TENM4: variants seen among roughly 807,000 people sequenced by gnomAD.
TENM4 encodes teneurin transmembrane protein 4.
Under a neutral mutation model 243.3 loss-of-function variants are expected in TENM4, and 82 were observed. That is an observed-to-expected ratio of 0.34 (90% CI 0.28 to 0.40). The LOEUF is 0.40. Among genes scored for constraint, TENM4 ranks in the 10% least tolerant of loss-of-function variants. The pLI, the probability that TENM4 is intolerant of heterozygous loss-of-function variation, is 1.00. For synonymous variants in TENM4, 1,412 were observed against 1,456.3 expected (o/e 0.97, Z 0.69); for missense variants, 3,138 against 3,673.3 (o/e 0.85, Z 3.77).
At chr11:79,104,694 G>A (rs1203490770) in intron 4 of TENM4, among the ~76,000 whole-genome samples, 1 of 152,224 alleles carries the variant, frequency 6.6e-6, no homozygotes, top group Non-Finnish European at 1.5e-5. Flanking sequence ...GCCTTTGCAT[G>A]ATGTTCTGCT....
At chr11:78,912,129 A>G (rs1856202761) in intron 6 of TENM4, among the ~76,000 whole-genome samples, 1 of 152,212 alleles carries the variant, frequency 6.6e-6, no homozygotes, top group African/African-American at 2.4e-5. Flanking sequence ...TTGTGGCAGC[A>G]GTATGGTGAG....
At chr11:78,933,671 G>A (rs922651183) in intron 6 of TENM4, among the ~76,000 whole-genome samples, 3 of 152,166 alleles carry the variant, frequency 2.0e-5, no homozygotes, top group Non-Finnish European at 4.4e-5. Flanking sequence ...GGCCAAGGAG[G>A]TTCACTCTGG....
Position 78,701,995 on chromosome 11 carries a change from A to T in TENM4, c.4618T>A (p.Ser1540Thr). 1.2e-6 allele frequency: 2 copies of T among 1,613,996 alleles called. No homozygotes were observed. Among genetic ancestry groups the T allele is most frequent in the East Asian group, 4.5e-5 (2 of 44,886 alleles). Residue 1540 changes from serine (S) to threonine (T), a missense_variant, in exon 28 of 34, where the codon TCT (serine) becomes ACT (threonine). Around this residue, in one of 2 missense-constraint regions of TENM4, gnomAD observed 2,467 missense variants for 3,059.1 expected, o/e 0.81. Transcript: ENST00000278550. ...CCATCAGCACACACAGCCAAGGAAG[A>T]TGGGGTATTTAACTTTGCATCCTTG... ...YAKDAKLNTP[S>T]SLAVCADGEL... is the part of the protein sequence containing the mutation.
At position 78,903,445 on chromosome 11, in the gene TENM4, T is replaced by C. The variant is rs914009067; in HGVS notation, c.572A>G (p.Gln191Arg). 141 of 1,547,828 alleles carry C rather than the reference T, an allele frequency of 9.1e-5. No individual in the cohort carries two copies. Among genetic ancestry groups the C allele is most frequent in the Non-Finnish European group, 1.2e-4 (138 of 1,145,404 alleles). The change falls in exon 7 of 34, where the codon CAG (glutamine) becomes CGG (arginine). Residue 191 changes from glutamine (Q) to arginine (R), a missense_variant. Physicochemically the swap from Gln to Arg is conservative, Grantham distance 43. Coordinates refer to ENST00000278550, the MANE Select transcript of TENM4 (RefSeq NM_001098816.3). The part of the protein sequence containing the change: ...PPLSHAHTPN[Q>R]HHAASINSLN... ...GGAGTTAATGGAGGCCGCGTGGTGC[T>C]GGTTGGGGGTGTGGGCGTGCGAGAG...
chr11:79,365,060 T>C (rs1464173176), intron 1 of TENM4, among the ~76,000 whole-genome samples: 1 of 152,242 alleles, frequency 6.6e-6, no homozygotes, highest in African/African-American at 2.4e-5. Context: ...AGGATAAATA[T>C]GTGATTGCCA....
chr11:79,301,996 C>T (rs368417624), intron 1 of TENM4, among the ~76,000 whole-genome samples: 9 of 152,142 alleles, frequency 5.9e-5, no homozygotes, highest in African/African-American at 1.4e-4. Context: ...TGTAGCAGTG[C>T]GAGAACGGAC....
chr11:79,135,378 G>C (rs1030380305), intron 4 of TENM4, among the ~76,000 whole-genome samples: 9 of 151,872 alleles, frequency 5.9e-5, no homozygotes, highest in African/African-American at 2.2e-4. Context: ...GTGGTGATCA[G>C]GGAACACTTC....
chr11:78,904,011 T>C, intron 6 of TENM4: 1 of 355,750 alleles, frequency 2.8e-6, no homozygotes, highest in Non-Finnish European at 5.5e-6. Flanking sequence ...GCTAAAATTC[T>C]AGAACCGCTG....
rs1239928253 is a variant in TENM4 at position 78,656,453 on chromosome 11, T to A, written c.*1605A>T. ...GGCGGATGAACCAGGAATGGAATCC[T>A]TGAACAAGGGGCTCCCAGCTCTGGC... On this transcript the variant is annotated 3_prime_UTR_variant, in exon 34 of 34. Transcript: ENST00000278550. The A allele has an allele frequency of 1.3e-5, 2 of 152,332 alleles. No homozygotes were observed. The highest frequency in any genetic ancestry group is 2.9e-5 in the Non-Finnish European group (2 of 68,116). The allele number at this position is 152,332 out of a possible 1,614,324, so 9.4% of individuals were successfully genotyped here. A position where few individuals can be genotyped will look rare whatever the true frequency, so the allele number is the denominator to read the frequency against.
chr11:79,120,269 C>T (rs2137128247), intron 4 of TENM4, among the ~76,000 whole-genome samples: 1 of 152,310 alleles, frequency 6.6e-6, no homozygotes, highest in East Asian at 1.9e-4. Context: ...ATAGAGATAG[C>T]TGAGGCTTTC....
At chr11:78,942,732 C>A (rs1267429041) in intron 6 of TENM4, among the ~76,000 whole-genome samples, 1 of 150,776 alleles carries the variant, frequency 6.6e-6, no homozygotes, top group Non-Finnish European at 1.5e-5. Context: ...AGGCTTCCTG[C>A]TTAACTTTTC....
chr11:79,186,888 C>T (rs1362042618), intron 3 of TENM4, among the ~76,000 whole-genome samples: 1 of 152,132 alleles, frequency 6.6e-6, no homozygotes, highest in African/African-American at 2.4e-5. Flanking sequence ...TGAAACAGCC[C>T]CTCGGAGCCC....
chr11:79,423,842 A>G (rs1444503386), intron 1 of TENM4, among the ~76,000 whole-genome samples: 2 of 152,018 alleles, frequency 1.3e-5, no homozygotes, highest in East Asian at 3.9e-4. Context: ...AATAATCACA[A>G]TACTTCTAGT....
chr11:79,052,057 A>T (rs1164399769), intron 6 of TENM4, among the ~76,000 whole-genome samples: 1 of 152,172 alleles, frequency 6.6e-6, no homozygotes, highest in Non-Finnish European at 1.5e-5. Flanking sequence ...TGTTTTTGCT[A>T]TTGTAAATAG....
At chr11:78,891,213 AGAG>A (rs930689735) in intron 8 of TENM4, 22 bp downstream of exon 8, 1 of 1,548,802 alleles carries the variant, frequency 6.5e-7, no homozygotes, top group Non-Finnish European at 8.7e-7. Context: ...GCACACACAG[AGAG>A]GAGAATGGGG....
rs985823523 is a variant in TENM4 at position 78,702,201 on chromosome 11, G to A, written c.4412C>T (p.Thr1471Ile). Residue 1471 changes from threonine to isoleucine, a missense_variant, in exon 28 of 34, where the codon ACC becomes ATC. Coordinates refer to ENST00000278550, the MANE Select transcript of TENM4 (RefSeq NM_001098816.3). ...VAIHATLESATALAVSHNGVL... is the reference protein window; with the variant it reads ...VAIHATLESAIALAVSHNGVL... ...CCCATTGTGTGAAACAGCCAAAGCG[G>A]TGGCTGACTCCAGGGTTGCGTGGAT... The A allele has an allele frequency of 1.9e-6, 3 of 1,614,016 alleles. No individual in the cohort carries two copies. Among genetic ancestry groups the A allele is most frequent in the Non-Finnish European group, 2.5e-6 (3 of 1,179,902 alleles).
chr11:79,168,278 A>G (rs903797582), intron 3 of TENM4, among the ~76,000 whole-genome samples: 1 of 152,188 alleles, frequency 6.6e-6, no homozygotes, highest in South Asian at 2.1e-4. Flanking sequence ...ATTATCTCCC[A>G]AGTCAAGAAG....
chr11:79,067,317 G>A (rs78635952), intron 5 of TENM4, among the ~76,000 whole-genome samples: 3,788 of 152,074 alleles, frequency 0.025, 50 homozygotes, highest in Non-Finnish European at 0.033. Context: ...TTCCTCAGTC[G>A]GCTTCCTGCT....
chr11:78,781,767 T>C (rs1790547), intron 16 of TENM4, among the ~76,000 whole-genome samples: 128,301 of 152,094 alleles, frequency 0.84, 54,868 homozygotes, highest in African/African-American at 0.92. Context: ...TCTAGTCATC[T>C]GAACTTCTTT....
Sources: allele counts gnomAD v4.1 joint callset (sites outside exome capture counted in the v4.1 genomes callset), GRCh38; gene constraint gnomAD v4.1.1; regional missense constraint gnomAD v4.1.1; transcripts MANE v1.5; gene names NCBI Gene and HGNC (gene_info 2026-07-23, HGNC 2026-07-21).